The following GRK5 variants were observed in gnomAD, a reference collection of about 807,000 sequenced individuals.
GRK5 encodes the protein g protein-coupled receptor kinase GRK5.
Under a neutral mutation model 78.4 loss-of-function variants are expected in GRK5, and 40 were observed. The observed-to-expected ratio is 0.51, with a 90% CI of 0.40 to 0.66. GRK5 has a LOEUF of 0.66. Among genes scored for constraint, GRK5 ranks in the 30% least tolerant of loss-of-function variants. GRK5 has a pLI of 0.00. For missense variants in GRK5, 598 were observed against 759.9 expected (o/e 0.79, Z 2.50); for synonymous variants, 289 against 296.8 (o/e 0.97, Z 0.27).
Position 119,253,225 on chromosome 10 carries a change from C to T in GRK5, c.52+45256C>T, listed in dbSNP as rs1849229860. On this transcript the variant is annotated intron_variant, in intron 1 of 15. Transcript: ENST00000392870. This position sits in a 1 kb window ranked among gnomAD's most constrained non-coding sequence, Gnocchi z 5.7. ...CACATCTGAGGGTCTGTTGAGATTA[C>T]AGAGGCCCTTGATAGAGTCCGAAAT... 6.6e-6 allele frequency among the ~76,000 whole-genome samples: 1 copy of T among 152,204 alleles called. No homozygotes were observed. Among genetic ancestry groups the T allele is most frequent in the African/African-American group, 2.4e-5 (1 of 41,444 alleles).
At chr10:119,392,448 G>C (rs1364500006) in intron 3 of GRK5, among the ~76,000 whole-genome samples, 1 of 152,164 alleles carries the variant, frequency 6.6e-6, no homozygotes, top group East Asian at 1.9e-4. Flanking sequence ...AGAGCTCCAG[G>C]CTGGAGTGCA....
chr10:119,261,991 A>C (rs1352812873), intron 1 of GRK5, among the ~76,000 whole-genome samples: 3 of 152,206 alleles, frequency 2.0e-5, no homozygotes, highest in East Asian at 1.9e-4. Context: ...GAGGCAATGA[A>C]GTCAAAATTG....
At chr10:119,369,655 C>T (rs17608302) in intron 2 of GRK5, among the ~76,000 whole-genome samples, 25,860 of 152,170 alleles carry the variant, frequency 0.17, 2,780 homozygotes, top group Admixed American at 0.22. Flanking sequence ...CTTTTTGCCC[C>T]GGCTCTTAAA....
At chr10:119,394,310 G>C in intron 3 of GRK5, among the ~76,000 whole-genome samples, 174 of 12,108 alleles carry the variant, frequency 0.014, 20 homozygotes, top group Middle Eastern at 0.028. Flanking sequence ...GTCTGTGTGG[G>C]CACGTGGGTG....
Position 119,253,847 on chromosome 10 carries a change from GGTGTGTGTGT to G in GRK5, c.52+45895_52+45904del, listed in dbSNP as rs58171371. On this transcript the variant is annotated intron_variant, in intron 1 of 15. Coordinates refer to ENST00000392870, the MANE Select transcript of GRK5 (RefSeq NM_005308.3). The surrounding 1 kb of genome is among the most constrained non-coding windows in gnomAD (Gnocchi z 5.7). ...GTTCCTGGTGGTTCTTTGCCCCAGG[GGTGTGTGTGT>G]GTGTGTGTGTGTGTGTACACATGTG... is the stretch of plus-strand genomic sequence containing the variant. Among the ~76,000 whole-genome samples the G allele has an allele frequency of 1.2e-4, 18 of 150,370 alleles. No individual in the cohort carries two copies. The South Asian group carries it at 1.3e-3, about 11-fold the overall frequency.
intron 1 of GRK5, among the ~76,000 whole-genome samples, chr10:119,291,723 C>G (rs1368832398): frequency 6.7e-6 from 1 of 148,494 alleles, no homozygotes; most frequent in African/African-American, 2.5e-5. Flanking sequence ...TATCCTCATC[C>G]TCCTCCTTCT....
chr10:119,411,126 A>G (rs1852329711), intron 4 of GRK5, among the ~76,000 whole-genome samples: 3 of 151,984 alleles, frequency 2.0e-5, no homozygotes, highest in Non-Finnish European at 4.4e-5. Flanking sequence ...CTCTGCTCAC[A>G]AAGACAGCTC....
chr10:119,304,376 G>A (rs1369922200), intron 1 of GRK5, among the ~76,000 whole-genome samples: 1 of 130,670 alleles, frequency 7.7e-6, no homozygotes, highest in African/African-American at 2.9e-5. Flanking sequence ...TGCAACCTCC[G>A]CCTCCTAGGG....
intron 1 of GRK5, among the ~76,000 whole-genome samples, chr10:119,241,496 T>C (rs1849025414): frequency 6.6e-6 from 1 of 152,224 alleles, no homozygotes; most frequent in Admixed American, 6.5e-5. Flanking sequence ...GCAAACTTCT[T>C]TCAGAACACC....
chr10:119,299,867 G>A (rs1850145936), intron 1 of GRK5, among the ~76,000 whole-genome samples: 2 of 151,878 alleles, frequency 1.3e-5, no homozygotes, highest in African/African-American at 4.8e-5. Context: ...CAACCTGCAG[G>A]TTTGTTACAT....
chr10:119,299,803 T>C (rs1351901842), intron 1 of GRK5, among the ~76,000 whole-genome samples: 1 of 129,708 alleles, frequency 7.7e-6, no homozygotes, highest in African/African-American at 4.3e-5. Flanking sequence ...GATGTGTGTG[T>C]GTGTGTGTGT....
chr10:119,330,404 A>C (rs898564514), intron 2 of GRK5: 5 of 150,892 alleles, frequency 3.3e-5, no homozygotes, highest in African/African-American at 1.2e-4. Context: ...AGAGAGAGAG[A>C]GAGAGAGCTC....
chr10:119,301,591 G>T (rs1850182007), intron 1 of GRK5, among the ~76,000 whole-genome samples: 1 of 152,216 alleles, frequency 6.6e-6, no homozygotes, highest in South Asian at 2.1e-4. Flanking sequence ...TGCTGAGGAA[G>T]TGACTTGATC....
At chr10:119,279,424 C>T (rs972377154) in intron 1 of GRK5, among the ~76,000 whole-genome samples, 3 of 152,186 alleles carry the variant, frequency 2.0e-5, no homozygotes, top group Non-Finnish European at 2.9e-5. Context: ...GATAGTTCTT[C>T]CCCTTGTGCA....
intron 1 of GRK5, among the ~76,000 whole-genome samples, chr10:119,225,582 A>G (rs1848721842): frequency 6.6e-6 from 1 of 151,816 alleles, no homozygotes; most frequent in Non-Finnish European, 1.5e-5. Flanking sequence ...AGGTTTGTCT[A>G]GATACTAGCT....
At chr10:119,400,126 T>C (rs1476919865) in intron 4 of GRK5, among the ~76,000 whole-genome samples, 1 of 152,260 alleles carries the variant, frequency 6.6e-6, no homozygotes, top group East Asian at 1.9e-4. Flanking sequence ...CTGAGCACAC[T>C]GTTCCATTGT....
intron 4 of GRK5, among the ~76,000 whole-genome samples, chr10:119,407,513 CG>C (rs1384696694): frequency 2.0e-5 from 3 of 152,182 alleles, no homozygotes; most frequent in African/African-American, 7.2e-5. Context: ...TGGCTGTTGC[CG>C]GAAGTTCTAC....
intron 1 of GRK5, among the ~76,000 whole-genome samples, chr10:119,276,291 C>T (rs1203239730): frequency 6.6e-6 from 1 of 152,078 alleles, no homozygotes; most frequent in Non-Finnish European, 1.5e-5. Context: ...CAACAGTCCC[C>T]TTCCTGTGTC....
At chr10:119,266,440 G>T (rs1419018762) in intron 1 of GRK5, among the ~76,000 whole-genome samples, 1 of 151,962 alleles carries the variant, frequency 6.6e-6, no homozygotes, top group Non-Finnish European at 1.5e-5. Context: ...TCCAGCCTGG[G>T]CAACAGAGCT....
Sources: allele counts gnomAD v4.1 joint callset (sites outside exome capture counted in the v4.1 genomes callset), GRCh38; gene constraint gnomAD v4.1.1; non-coding constraint Gnocchi (gnomAD v3.1); transcripts MANE v1.5; gene names NCBI Gene and HGNC (gene_info 2026-07-23, HGNC 2026-07-21).